XRN1: variants seen among roughly 807,000 people sequenced by gnomAD.
The protein encoded by XRN1 is strand-exchange protein 1 homolog.
XRN1 carries 67 observed loss-of-function variants against 222.3 expected under a neutral mutation model. The ratio of observed to expected loss-of-function variants is 0.30; its 90% CI spans 0.25 to 0.37. The LOEUF is 0.37. XRN1 is among the 10% of genes least tolerant of loss of function. XRN1 has a pLI of 1.00. For missense variants in XRN1, 1,707 were observed against 2,000.2 expected (o/e 0.85, Z 2.80); for synonymous variants, 643 against 652.4 (o/e 0.99, Z 0.22).
intron 39 of XRN1, among the ~76,000 whole-genome samples, chr3:142,317,122 C>T (rs1051692115): frequency 2.0e-5 from 3 of 152,186 alleles, no homozygotes; most frequent in African/African-American, 7.2e-5. Flanking sequence ...TTCTCTGAAT[C>T]TCTTAGGACC....
rs572146273 is a variant in XRN1, at chr3:142,310,658, A to C, written c.*853T>G. On this transcript the variant is annotated 3_prime_UTR_variant, in exon 41 of 41. Transcript: ENST00000392981. Reference sequence around the variant, plus strand: ...ATAAAATGTCAGGTAAGCAAATAAAAAGCTATACAAAATAATACAGTTTAT... The same window carrying C: ...ATAAAATGTCAGGTAAGCAAATAAACAGCTATACAAAATAATACAGTTTAT... 6.5e-6 allele frequency: 1 copy of C among 152,702 alleles called. No homozygotes were observed. Among genetic ancestry groups the C allele is most frequent in the Admixed American group, 6.5e-5 (1 of 15,298 alleles). The allele number at this position is 152,702 out of a possible 1,614,324, so 9.5% of individuals were successfully genotyped here. A position where few individuals can be genotyped will look rare whatever the true frequency, so the allele number is the denominator to read the frequency against.
chr3:142,334,709 G>A (rs919680903), intron 34 of XRN1, among the ~76,000 whole-genome samples: 3 of 150,468 alleles, frequency 2.0e-5, no homozygotes, highest in African/African-American at 4.9e-5. Flanking sequence ...ATATGTCTAT[G>A]TGTATATATA....
chr3:142,418,264 T>C (rs2068863071), intron 12 of XRN1: 1 of 403,812 alleles, frequency 2.5e-6, no homozygotes, highest in African/African-American at 2.1e-5. Flanking sequence ...TAAACAACTT[T>C]GTAACAAAAA....
chr3:142,364,272 T>C (rs1168799781), intron 29 of XRN1, among the ~76,000 whole-genome samples: 1 of 152,168 alleles, frequency 6.6e-6, no homozygotes, highest in Non-Finnish European at 1.5e-5. Flanking sequence ...GCCTGGGATA[T>C]ATATAGAGGA....
At chr3:142,389,971 T>C (rs1380990777) in intron 20 of XRN1, among the ~76,000 whole-genome samples, 1 of 152,248 alleles carries the variant, frequency 6.6e-6, no homozygotes, top group Non-Finnish European at 1.5e-5. Flanking sequence ...ATCAGAGCTC[T>C]CAGTTGATCA....
At chr3:142,391,740 A>T (rs1199779387) in intron 20 of XRN1, among the ~76,000 whole-genome samples, 2 of 47,868 alleles carry the variant, frequency 4.2e-5, no homozygotes, top group African/African-American at 6.6e-5. Flanking sequence ...TCTCACTAAA[A>T]AAAAAAAAAA....
chr3:142,313,179 A>G (rs369070014), intron 39 of XRN1: 1 of 1,610,688 alleles, frequency 6.2e-7, no homozygotes, highest in African/African-American at 1.3e-5. Context: ...CCCAGCCTAC[A>G]AAAAAACCAA....
intron 13 of XRN1, 59 bp downstream of exon 13, chr3:142,417,081 T>C: frequency 8.1e-7 from 1 of 1,236,742 alleles, no homozygotes; most frequent in Non-Finnish European, 1.2e-6. Context: ...TAAATAAGAC[T>C]CTAGTAGAAT....
intron 33 of XRN1, 142 bp downstream of exon 33, chr3:142,347,092 T>C: frequency 3.2e-6 from 2 of 626,552 alleles, no homozygotes; most frequent in Non-Finnish European, 5.3e-6. Context: ...TTATACAATT[T>C]TGTGAAAATA....
chr3:142,414,053 T>G, intron 14 of XRN1, 82 bp downstream of exon 14: 1 of 1,318,794 alleles, frequency 7.6e-7, no homozygotes, highest in Non-Finnish European at 1.0e-6. Context: ...CCAAATAAAT[T>G]TGAGTATTAT....
chr3:142,338,005 G>T (rs1232016573), intron 33 of XRN1, among the ~76,000 whole-genome samples: 1 of 152,200 alleles, frequency 6.6e-6, no homozygotes, highest in African/African-American at 2.4e-5. Context: ...CCCATGGACT[G>T]AAGTGCTTTG....
rs2067828584 is a variant in XRN1 at position 142,393,859 on chromosome 3, C to T, written c.2339+3470G>A. Among the ~76,000 whole-genome samples the T allele has an allele frequency of 2.0e-5, 3 of 150,704 alleles. No individual in the cohort carries two copies. The South Asian group carries it at 6.2e-4, about 31-fold the overall frequency. ...TTTTTTTTTTTTTGAGACAGTCTTG[C>T]TCTGTTGCCCAGGCTGGAGTGCAGT... On this transcript the variant is annotated intron_variant, in intron 20 of 40. Coordinates refer to ENST00000392981, the MANE Select transcript of XRN1 (RefSeq NM_001282857.2).
intron 20 of XRN1, among the ~76,000 whole-genome samples, chr3:142,394,344 A>G (rs1193283452): frequency 2.0e-5 from 3 of 152,140 alleles, no homozygotes; most frequent in Non-Finnish European, 4.4e-5. Context: ...CTTCTATCCC[A>G]AAACACAGGG....
At chr3:142,337,009 T>A (rs1181420176) in intron 33 of XRN1, among the ~76,000 whole-genome samples, 4 of 151,874 alleles carry the variant, frequency 2.6e-5, no homozygotes, top group Non-Finnish European at 5.9e-5. Context: ...AACCACAAAA[T>A]TTTTTTTGAA....
chr3:142,326,588 T>G (rs1193888300), intron 37 of XRN1, among the ~76,000 whole-genome samples: 1 of 152,172 alleles, frequency 6.6e-6, no homozygotes, highest in African/African-American at 2.4e-5. Flanking sequence ...AAGAGTAGTT[T>G]GACTCCTTCC....
intron 30 of XRN1, among the ~76,000 whole-genome samples, chr3:142,357,392 A>C (rs1289788527): frequency 2.6e-5 from 4 of 152,076 alleles, no homozygotes; most frequent in Non-Finnish European, 5.9e-5. Context: ...AGAAGCTTGC[A>C]TCTTAATTGC....
chr3:142,373,592 GA>G (rs2067050442), intron 25 of XRN1, among the ~76,000 whole-genome samples: 1 of 152,150 alleles, frequency 6.6e-6, no homozygotes, highest in Admixed American at 6.6e-5. Flanking sequence ...AAAGATTTCA[GA>G]AAATGAAAAT....
At chr3:142,361,015 T>C (rs2066613590) in intron 29 of XRN1, among the ~76,000 whole-genome samples, 1 of 152,180 alleles carries the variant, frequency 6.6e-6, no homozygotes, top group Non-Finnish European at 1.5e-5. Context: ...ATAAATAGGA[T>C]AATCACTTCC....
intron 21 of XRN1, among the ~76,000 whole-genome samples, chr3:142,383,845 TA>T (rs1272224736): frequency 6.6e-6 from 1 of 152,068 alleles, no homozygotes; most frequent in Non-Finnish European, 1.5e-5. Context: ...TATCTAAGAT[TA>T]TAAATGCAAA....
Sources: gnomAD v4.1 joint callset for allele counts (sites outside exome capture counted in the v4.1 genomes callset) on GRCh38, gnomAD v4.1.1 for gene constraint, MANE v1.5 for transcripts, NCBI Gene and HGNC (gene_info 2026-07-23, HGNC 2026-07-21) for gene names.